The following RGS6 variants were observed in gnomAD, a reference collection of about 807,000 sequenced individuals.
The protein encoded by RGS6 is regulator of G protein signaling 6.
RGS6 carries 30 observed loss-of-function variants against 78.5 expected under a neutral mutation model. The ratio of observed to expected loss-of-function variants is 0.38; its 90% confidence interval spans 0.29 to 0.52. The LOEUF (loss-of-function observed/expected upper bound fraction) is 0.52, where lower values mean the gene tolerates loss of function less well. Among genes scored for constraint, RGS6 ranks in the 20% least tolerant of loss-of-function variants. RGS6 has a pLI of 0.85. For synonymous variants in RGS6, 206 were observed against 206.0 expected (o/e 1.00, Z 0.00); for missense variants, 495 against 609.7 (o/e 0.81, Z 1.98).
At chr14:72,559,580 C>T (rs903966002) in intron 17 of RGS6, among the ~76,000 whole-genome samples, 2 of 152,086 alleles carry the variant, frequency 1.3e-5, no homozygotes, top group East Asian at 1.9e-4. Flanking sequence ...GGTAAATGCG[C>T]GAAAGCAGGA....
At chr14:71,930,767 G>A (rs1283845063), upstream of RGS6, among the ~76,000 whole-genome samples, 1 of 151,760 alleles carries the variant, frequency 6.6e-6, no homozygotes, top group African/African-American at 2.4e-5. Flanking sequence ...TGGATCATCT[G>A]AGGTCAGGAA....
chr14:71,907,946 C>T, the RGS6 span, among the ~76,000 whole-genome samples: 6 of 152,264 alleles, frequency 3.9e-5, no homozygotes, highest in South Asian at 2.1e-4. Context: ...ACAAATAGCA[C>T]GGGTACTGGA....
At chr14:71,961,716 T>G (rs532105759) in intron 1 of RGS6, among the ~76,000 whole-genome samples, 1 of 152,328 alleles carries the variant, frequency 6.6e-6, no homozygotes, top group South Asian at 2.1e-4. Flanking sequence ...TAACATGCTT[T>G]CTTTCTTTTG....
At chr14:72,164,045 G>T (rs577198068) in intron 2 of RGS6, among the ~76,000 whole-genome samples, 72 of 152,204 alleles carry the variant, frequency 4.7e-4, no homozygotes, top group Non-Finnish European at 9.0e-4. Flanking sequence ...CGACTTTTTG[G>T]TGGTTAGTCA....
At chr14:72,425,434 C>G (rs569825096) in intron 3 of RGS6, among the ~76,000 whole-genome samples, 2 of 152,120 alleles carry the variant, frequency 1.3e-5, no homozygotes, top group Non-Finnish European at 2.9e-5. Flanking sequence ...CCACCGCAGC[C>G]GGCCAGAAGG....
At chr14:71,971,703 T>C (rs1232082651) in intron 2 of RGS6, among the ~76,000 whole-genome samples, 1 of 152,184 alleles carries the variant, frequency 6.6e-6, no homozygotes, top group African/African-American at 2.4e-5. Flanking sequence ...GTGATCAAGA[T>C]GTTGACTCGG....
intron 3 of RGS6, among the ~76,000 whole-genome samples, chr14:72,382,944 T>C (rs897600671): frequency 7.2e-5 from 11 of 151,890 alleles, no homozygotes; most frequent in African/African-American, 2.7e-4. Flanking sequence ...CTAACTTTTG[T>C]GGGGAAAGTA....
the RGS6 span, among the ~76,000 whole-genome samples, chr14:71,880,131 G>A: frequency 6.6e-6 from 1 of 152,172 alleles, no homozygotes; most frequent in Non-Finnish European, 1.5e-5. Flanking sequence ...GAGATTTGTG[G>A]AACTTTGAAC....
intron 8 of RGS6, among the ~76,000 whole-genome samples, chr14:72,470,556 C>T (rs2096047710): frequency 6.6e-6 from 1 of 152,010 alleles, no homozygotes; most frequent in African/African-American, 2.4e-5. Flanking sequence ...AGTTGGAGTC[C>T]AAAATATCAG....
chr14:72,583,679 C>G, the RGS6 span, among the ~76,000 whole-genome samples: 4 of 152,176 alleles, frequency 2.6e-5, no homozygotes, highest in African/African-American at 7.2e-5. Flanking sequence ...CTTGGGCCAG[C>G]TTTTCTGCCA....
chr14:72,098,103 CT>C (rs1478884391), intron 2 of RGS6, among the ~76,000 whole-genome samples: 8 of 152,142 alleles, frequency 5.3e-5, no homozygotes, highest in Non-Finnish European at 8.8e-5. Context: ...TTATAATATC[CT>C]GACATAGCTG....
chr14:72,445,224 T>C (rs189544487), intron 3 of RGS6, among the ~76,000 whole-genome samples: 11 of 152,368 alleles, frequency 7.2e-5, no homozygotes, highest in African/African-American at 2.6e-4. Context: ...CGGAGTCTCA[T>C]GCTGTCGCCC....
At chr14:72,239,884 G>C (rs538637182) in intron 2 of RGS6, among the ~76,000 whole-genome samples, 1 of 152,328 alleles carries the variant, frequency 6.6e-6, no homozygotes, top group African/African-American at 2.4e-5. Context: ...GGGAGAGTTA[G>C]AAGCTTTTAT....
intron 2 of RGS6, among the ~76,000 whole-genome samples, chr14:72,057,343 A>G (rs2093670758): frequency 1.4e-5 from 2 of 146,394 alleles, no homozygotes; most frequent in African/African-American, 2.5e-5. Flanking sequence ...AAAAAAAAGA[A>G]TGTTTGCTTC....
chr14:72,264,069 C>G (rs938479829), intron 2 of RGS6, among the ~76,000 whole-genome samples: 2 of 152,190 alleles, frequency 1.3e-5, no homozygotes, highest in Non-Finnish European at 2.9e-5. Context: ...AACATTCATA[C>G]TACGTAGGAT....
At chr14:72,462,598 G>A (rs970376601) in intron 6 of RGS6, among the ~76,000 whole-genome samples, 5 of 152,210 alleles carry the variant, frequency 3.3e-5, no homozygotes, top group East Asian at 1.9e-4. Context: ...TAGCTGCTAC[G>A]ATGGTGATTT....
chr14:72,629,185 G>A, the RGS6 span, among the ~76,000 whole-genome samples: 1 of 152,172 alleles, frequency 6.6e-6, no homozygotes. Flanking sequence ...GTAGTTACAG[G>A]TAAAAATGAT....
In RGS6 at chr14:72,166,135, C is replaced by A. The variant is rs3886243; in HGVS notation, c.85-185960C>A. ...ACACACACACACACACACACACACA[C>A]ACAGACTGACTTTGTTATTCCTTAC... is the stretch of plus-strand genomic sequence containing the variant. On this transcript the variant is annotated intron_variant, in intron 2 of 17. Transcript: ENST00000553525. Among the ~76,000 whole-genome samples the A allele has an allele frequency of 6.5e-3, 392 of 60,708 alleles. 1 individual carries two copies. The highest frequency in any genetic ancestry group is 0.023 in the South Asian group (51 of 2,174). 39.8% of individuals were successfully genotyped at this position (60,708 alleles called of 152,430 possible).
At chr14:71,941,883 C>T (rs2090637448) in intron 1 of RGS6, among the ~76,000 whole-genome samples, 1 of 152,158 alleles carries the variant, frequency 6.6e-6, no homozygotes, top group Non-Finnish European at 1.5e-5. Flanking sequence ...TCACAGTAAG[C>T]TCCTTACAGG....
Sources: gnomAD v4.1 joint callset for allele counts (sites outside exome capture counted in the v4.1 genomes callset) on GRCh38, gnomAD v4.1.1 for gene constraint, MANE v1.5 for transcripts, NCBI Gene and HGNC (gene_info 2026-07-23, HGNC 2026-07-21) for gene names.